The following IL1RAP variants were observed in gnomAD, a reference collection of about 807,000 sequenced individuals.
IL1RAP encodes interleukin 1 receptor accessory protein.
Under a neutral mutation model 60.7 loss-of-function variants are expected in IL1RAP, and 35 were observed. That is an observed-to-expected ratio of 0.58 (90% CI 0.44 to 0.76). The LOEUF (loss-of-function observed/expected upper bound fraction) is 0.76, where lower values mean the gene tolerates loss of function less well. IL1RAP is among the 30% of genes least tolerant of loss of function. The pLI is 0.00. For synonymous variants in IL1RAP, 268 were observed against 250.9 expected, an observed-to-expected ratio of 1.07 and a Z score of -0.64; for missense variants, 572 against 693.9, an observed-to-expected ratio of 0.82 and a Z score of 1.97.
rs1365878410 is a variant in IL1RAP, at chr3:190,650,708, T to A, written c.*2003T>A. Reference sequence around the variant, plus strand: ...AAAAGTAGGTCATTCTTGGATCTACTTTTTTTTAGCCTTATTAATATTTTT... The same window carrying A: ...AAAAGTAGGTCATTCTTGGATCTACATTTTTTTAGCCTTATTAATATTTTT... On this transcript the variant is annotated 3_prime_UTR_variant, in exon 12 of 12. Coordinates refer to ENST00000447382, the MANE Select transcript of IL1RAP (RefSeq NM_002182.4). The A allele has an allele frequency of 6.3e-6, 6 of 958,190 alleles. No homozygotes were observed. In the Admixed American group the frequency reaches 1.9e-4, roughly 30 times the overall value. 59.4% of individuals were successfully genotyped at this position (958,190 alleles called of 1,614,324 possible). A position where few individuals can be genotyped will look rare whatever the true frequency, so the allele number is the denominator to read the frequency against.
intron 1 of IL1RAP, among the ~76,000 whole-genome samples, chr3:190,536,901 A>G (rs1311086594): frequency 6.6e-6 from 1 of 152,206 alleles, no homozygotes; most frequent in East Asian, 1.9e-4. Context: ...AAAAACAGTT[A>G]TATGTGAAAA....
chr3:190,616,592 C>T (rs1474906398), intron 5 of IL1RAP, among the ~76,000 whole-genome samples: 1 of 152,120 alleles, frequency 6.6e-6, no homozygotes, highest in Non-Finnish European at 1.5e-5. Context: ...GTGTTTTATA[C>T]CAACTTTATC....
At chr3:190,638,023 G>T (rs1733362305) in intron 9 of IL1RAP, among the ~76,000 whole-genome samples, 1 of 151,842 alleles carries the variant, frequency 6.6e-6, no homozygotes, top group South Asian at 2.1e-4. Flanking sequence ...AATGCAGAAT[G>T]ATTTGTTTAT....
intron 2 of IL1RAP, among the ~76,000 whole-genome samples, chr3:190,557,476 G>C (rs1229680027): frequency 1.3e-5 from 2 of 152,174 alleles, no homozygotes; most frequent in Non-Finnish European, 2.9e-5. Context: ...CCTAAAAAGG[G>C]AGAAGGCAGT....
chr3:190,644,540 G>C, intron 10 of IL1RAP, 143 bp downstream of exon 10: 1 of 655,880 alleles, frequency 1.5e-6, no homozygotes, highest in South Asian at 1.9e-5. Context: ...AATTTCAACC[G>C]TTGCTATTAG....
chr3:190,620,717 C>T (rs1731705700), intron 6 of IL1RAP, among the ~76,000 whole-genome samples: 1 of 152,106 alleles, frequency 6.6e-6, no homozygotes, highest in African/African-American at 2.4e-5. Context: ...AATTCTGTCA[C>T]TGCCACTTAT....
At chr3:190,652,131 T>C (rs1378796558), downstream of IL1RAP, among the ~76,000 whole-genome samples, 1 of 152,002 alleles carries the variant, frequency 6.6e-6, no homozygotes, top group East Asian at 1.9e-4. Flanking sequence ...CGGTTAATAA[T>C]ACAAGTCCAT....
At chr3:190,655,923 A>C (rs1243183760), downstream of IL1RAP, 8 of 1,537,280 alleles carry the variant, frequency 5.2e-6, no homozygotes, top group African/African-American at 1.4e-5. Flanking sequence ...TCATTCAGAG[A>C]AGCAGAAGGA....
intron 3 of IL1RAP, among the ~76,000 whole-genome samples, chr3:190,576,868 C>T (rs1727505217): frequency 1.3e-5 from 2 of 151,620 alleles, no homozygotes; most frequent in African/African-American, 2.4e-5. Context: ...AATCCCAGCA[C>T]TTTGGGAGGC....
At chr3:190,626,745 A>G (rs1324869756) in intron 7 of IL1RAP, among the ~76,000 whole-genome samples, 1 of 134,788 alleles carries the variant, frequency 7.4e-6, no homozygotes, top group Non-Finnish European at 1.5e-5. Context: ...GTCTTGGCTC[A>G]CTGCAACCTC....
chr3:190,626,625 C>T (rs1732290611), intron 7 of IL1RAP, among the ~76,000 whole-genome samples: 1 of 147,760 alleles, frequency 6.8e-6, no homozygotes. Flanking sequence ...GAAGAGCAGT[C>T]TCTGGAGGTC....
At chr3:190,567,438 G>C (rs74576697) in intron 3 of IL1RAP, among the ~76,000 whole-genome samples, 1 of 152,108 alleles carries the variant, frequency 6.6e-6, no homozygotes, top group Non-Finnish European at 1.5e-5. Context: ...CCAAACCATG[G>C]GGTAGTCAGA....
chr3:190,570,016 C>G (rs750706872), intron 3 of IL1RAP, among the ~76,000 whole-genome samples: 1 of 152,196 alleles, frequency 6.6e-6, no homozygotes, highest in Non-Finnish European at 1.5e-5. Flanking sequence ...TTTCTACCCA[C>G]TTTTCTTTCA....
chr3:190,564,555 G>A (rs1436023630), intron 3 of IL1RAP: 3 of 581,322 alleles, frequency 5.2e-6, no homozygotes, highest in Non-Finnish European at 6.2e-6. Context: ...ATGGGATAGA[G>A]TACACAGGGG....
At chr3:190,583,614 G>A (rs1186851853) in intron 3 of IL1RAP, among the ~76,000 whole-genome samples, 1 of 152,226 alleles carries the variant, frequency 6.6e-6, no homozygotes, top group Non-Finnish European at 1.5e-5. Flanking sequence ...AAGGTACGAA[G>A]TGGTTAGTAT....
At chr3:190,527,484 G>C (rs1434747277) in intron 1 of IL1RAP, among the ~76,000 whole-genome samples, 1 of 152,096 alleles carries the variant, frequency 6.6e-6, no homozygotes, top group African/African-American at 2.4e-5. Flanking sequence ...AACACCTCTG[G>C]AGTCTCCAGG....
At chr3:190,523,653 A>T (rs1174307447) in intron 1 of IL1RAP, among the ~76,000 whole-genome samples, 1 of 152,198 alleles carries the variant, frequency 6.6e-6, no homozygotes, top group African/African-American at 2.4e-5. Context: ...TTTGCTAAGG[A>T]TAATGGTCCC....
intron 2 of IL1RAP, 49 bp from the exon 3 acceptor site, chr3:190,564,240 C>T: frequency 8.8e-7 from 1 of 1,139,218 alleles, no homozygotes; most frequent in Non-Finnish European, 1.3e-6. Context: ...TTATTTAAGC[C>T]CTTGAAAGTA....
chr3:190,538,458 C>A (rs575602804), intron 1 of IL1RAP, among the ~76,000 whole-genome samples: 14 of 152,290 alleles, frequency 9.2e-5, no homozygotes, highest in South Asian at 2.1e-4. Context: ...CAGACTGTAT[C>A]TTCAGCATTC....
Sources: allele counts gnomAD v4.1 joint callset (sites outside exome capture counted in the v4.1 genomes callset), GRCh38; gene constraint gnomAD v4.1.1; transcripts MANE v1.5; gene names NCBI Gene and HGNC (gene_info 2026-07-23, HGNC 2026-07-21).